The following C4orf51 variants were observed in gnomAD, a reference collection of about 807,000 sequenced individuals.
C4orf51 encodes the protein uncharacterized protein C4orf51.
A neutral mutation model predicts 25.2 loss-of-function variants in C4orf51; 25 were observed. The ratio of observed to expected loss-of-function variants is 0.99; its 90% CI spans 0.72 to 1.39. C4orf51 has a LOEUF of 1.39. C4orf51 is among the 40% of genes most tolerant of loss of function. The pLI is 0.00. For synonymous variants in C4orf51, 100 were observed against 84.5 expected, an observed-to-expected ratio of 1.18 and a Z score of -1.01; for missense variants, 252 against 239.6, an observed-to-expected ratio of 1.05 and a Z score of -0.34.
At chr4:145,689,618 A>G (rs2126666891) in intron 1 of C4orf51, among the ~76,000 whole-genome samples, 1 of 152,300 alleles carries the variant, frequency 6.6e-6, no homozygotes, top group Admixed American at 6.5e-5. Context: ...AGCTTATGCT[A>G]AACACCCTCC....
rs1382100918 is a variant in C4orf51, at chr4:145,763,853, T to TCCCCTC, written n.167-7124_167-7119dup. ...ACCCCCTCCCCAATCCCTTCTGCCC[T>TCCCCTC]CCCCTCCCCCTCCCCCAAGAGTGAA... On this transcript the variant is annotated intron_variant and non_coding_transcript_variant, in intron 1 of 1. Transcript: ENST00000510096. The surrounding 1 kb of genome is among the most constrained non-coding windows in gnomAD (Gnocchi z 4.6). Among the ~76,000 whole-genome samples, 6 of 149,856 alleles carry TCCCCTC rather than the reference T, an allele frequency of 4.0e-5. No individual in the cohort carries two copies. The highest frequency in any genetic ancestry group is 2.0e-4 in the Admixed American group (3 of 15,090).
intron 2 of C4orf51, among the ~76,000 whole-genome samples, chr4:145,708,470 C>T (rs574571251): frequency 2.6e-5 from 4 of 152,264 alleles, no homozygotes; most frequent in South Asian, 2.1e-4. Context: ...AAAGTAAAAA[C>T]GAGGTGTCCC....
intron 2 of C4orf51, among the ~76,000 whole-genome samples, chr4:145,723,110 C>G (rs1382853206): frequency 2.6e-5 from 4 of 152,068 alleles, no homozygotes; most frequent in African/African-American, 9.7e-5. Context: ...CACCCCTGCC[C>G]CTGCCCACCC....
intron 2 of C4orf51, among the ~76,000 whole-genome samples, chr4:145,717,432 TA>T (rs1158144901): frequency 6.6e-6 from 1 of 152,260 alleles, no homozygotes; most frequent in East Asian, 1.9e-4. Context: ...GAGGTAACAA[TA>T]CATCAAAGCA....
chr4:145,721,843 C>A (rs1340657376), intron 2 of C4orf51, among the ~76,000 whole-genome samples: 1 of 152,172 alleles, frequency 6.6e-6, no homozygotes, highest in Admixed American at 6.5e-5. Context: ...CTTATATGAA[C>A]AAACCATGTG....
the C4orf51 span, among the ~76,000 whole-genome samples, chr4:145,776,639 CA>C: frequency 2.6e-5 from 4 of 151,856 alleles, no homozygotes; most frequent in African/African-American, 4.8e-5. Flanking sequence ...CCCCATGTGT[CA>C]GTCATGGGTG....
chr4:145,774,713 G>A (rs1481318557), downstream of C4orf51: 5 of 1,595,270 alleles, frequency 3.1e-6, no homozygotes, highest in South Asian at 2.3e-5. Flanking sequence ...AGAGAAAAGG[G>A]TGACACATAC....
chr4:145,757,779 A>G (rs1432988704), downstream of C4orf51: 2 of 152,174 alleles, frequency 1.3e-5, no homozygotes, highest in African/African-American at 4.8e-5. Context: ...AGCTTTATAC[A>G]ATACAAATTT....
rs1735193899 is a variant in C4orf51 at position 145,765,772 on chromosome 4, GA to G, written n.167-5215del. 1 of 1,597,224 alleles carries G rather than the reference GA, an allele frequency of 6.3e-7. No homozygotes were observed. The highest frequency in any genetic ancestry group is 2.2e-5 in the East Asian group (1 of 44,644). On this transcript the variant is annotated intron_variant and non_coding_transcript_variant, in intron 1 of 1. Transcript: ENST00000510096. The surrounding 1 kb of genome is among the most constrained non-coding windows in gnomAD (Gnocchi z 4.7). ...TAAGCAAATAACCCAGTCTGTTAAT[GA>G]GATGAAAATCCTCAGAATTATAGCA...
downstream of C4orf51, among the ~76,000 whole-genome samples, chr4:145,733,579 C>A (rs1051223845): frequency 6.6e-6 from 1 of 151,368 alleles, no homozygotes; most frequent in Non-Finnish European, 1.5e-5. Flanking sequence ...CTCCTAGTTA[C>A]CAAGACCGTC....
chr4:145,773,118 A>C (rs75563615), downstream of C4orf51, among the ~76,000 whole-genome samples: 1 of 152,208 alleles, frequency 6.6e-6, no homozygotes, highest in Non-Finnish European at 1.5e-5. Context: ...GAGAAAAAAA[A>C]GACTATCTGA....
chr4:145,744,860 A>T (rs1733287417), intron 1 of C4orf51, among the ~76,000 whole-genome samples: 1 of 151,560 alleles, frequency 6.6e-6, no homozygotes, highest in Admixed American at 6.6e-5. Flanking sequence ...CTCAAAAAAA[A>T]AAAAGAGAGA....
chr4:145,765,464 C>A lies in C4orf51; in HGVS notation n.167-5524C>A. On this transcript the variant is annotated intron_variant and non_coding_transcript_variant, in intron 1 of 1. Transcript: ENST00000510096. The surrounding 1 kb of genome is among the most constrained non-coding windows in gnomAD (Gnocchi z 4.7). Reference sequence around the variant, plus strand: ...TGGGCCTATTATCAGTTTTTGACATCGCTCCTGTGCAGGGCTTATTCTCAA... The same window carrying A: ...TGGGCCTATTATCAGTTTTTGACATAGCTCCTGTGCAGGGCTTATTCTCAA... 1 of 1,470,010 alleles carries A rather than the reference C, an allele frequency of 6.8e-7. No homozygotes were observed. Among genetic ancestry groups the A allele is most frequent in the Non-Finnish European group, 9.1e-7 (1 of 1,096,784 alleles). The allele number at this position is 1,470,010 out of a possible 1,614,324, so 91.1% of individuals were successfully genotyped here.
intron 1 of C4orf51, among the ~76,000 whole-genome samples, chr4:145,744,828 G>A (rs1325661136): frequency 1.3e-5 from 2 of 150,416 alleles, no homozygotes; most frequent in Non-Finnish European, 3.0e-5. Context: ...ACTCCAGCCT[G>A]GGCAACAGAT....
At chr4:145,702,268 T>C (rs1445550719) in intron 2 of C4orf51, among the ~76,000 whole-genome samples, 11 of 151,846 alleles carry the variant, frequency 7.2e-5, no homozygotes, top group Non-Finnish European at 1.5e-4. Context: ...ATCCACCCCG[T>C]GGTGCCAAAC....
At chr4:145,682,162 A>G (rs1578906854) in intron 1 of C4orf51, among the ~76,000 whole-genome samples, 2 of 152,206 alleles carry the variant, frequency 1.3e-5, no homozygotes, top group East Asian at 3.8e-4. Context: ...GGCCTGTGAC[A>G]TTGCAAAACA....
chr4:145,762,995 G>A lies in C4orf51; in HGVS notation n.167-7993G>A. On this transcript the variant is annotated intron_variant and non_coding_transcript_variant, in intron 1 of 1. Transcript: ENST00000510096. The surrounding 1 kb of genome is among the most constrained non-coding windows in gnomAD (Gnocchi z 4.9). ...AGCGCCAAGCTCGCCGTTAGCCTTT[G>A]AACCTCAGCTCACAGAAGAGTGCAC... 1 of 1,258,696 alleles carries A rather than the reference G, an allele frequency of 7.9e-7. No individual in the cohort carries two copies. The highest frequency in any genetic ancestry group is 1.1e-6 in the Non-Finnish European group (1 of 913,576). The allele number at this position is 1,258,696 out of a possible 1,614,324, so 78.0% of individuals were successfully genotyped here.
chr4:145,703,199 C>G (rs10084855), intron 2 of C4orf51, among the ~76,000 whole-genome samples: 85,382 of 149,686 alleles, frequency 0.57, 24,654 homozygotes, highest in Admixed American at 0.65. Context: ...CACCACAAAA[C>G]AAGTGTAAAT....
At chr4:145,753,056 C>A (rs971589831) in intron 1 of C4orf51, among the ~76,000 whole-genome samples, 1 of 152,002 alleles carries the variant, frequency 6.6e-6, no homozygotes, top group Non-Finnish European at 1.5e-5. Flanking sequence ...GTCTTTTCTA[C>A]CCTCTTCAGT....
Sources: gnomAD v4.1 joint callset for allele counts (sites outside exome capture counted in the v4.1 genomes callset) on GRCh38, gnomAD v4.1.1 for gene constraint, Gnocchi (gnomAD v3.1) non-coding constraint, MANE v1.5 for transcripts, NCBI Gene and HGNC (gene_info 2026-07-23, HGNC 2026-07-21) for gene names.